CPQ: variants seen among roughly 807,000 people sequenced by gnomAD.
CPQ encodes the protein carboxypeptidase Q, also known as Ser-Met dipeptidase.
Under a neutral mutation model 45.7 loss-of-function variants are expected in CPQ, and 37 were observed. That is an observed-to-expected ratio of 0.81 (90% confidence interval 0.62 to 1.07). The LOEUF (loss-of-function observed/expected upper bound fraction) is 1.07, where lower values mean the gene tolerates loss of function less well. CPQ is among the 50% of genes least tolerant of loss of function. The pLI is 0.00. For missense variants in CPQ, 537 were observed against 572.9 expected (o/e 0.94, Z 0.64); for synonymous variants, 186 against 205.8 (o/e 0.90, Z 0.82).
intron 7 of CPQ, among the ~76,000 whole-genome samples, chr8:97,128,687 AAAAACAAAC>A (rs1258363868): frequency 6.6e-6 from 1 of 152,194 alleles, no homozygotes; most frequent in Non-Finnish European, 1.5e-5. Flanking sequence ...TCTGTCTCAA[AAAAACAAAC>A]AAACAAACAG....
At chr8:97,016,524 G>A (rs780218889) in intron 5 of CPQ, among the ~76,000 whole-genome samples, 7 of 152,130 alleles carry the variant, frequency 4.6e-5, no homozygotes, top group African/African-American at 7.2e-5. Flanking sequence ...GTCAGGTATT[G>A]GGCCAGATTA....
rs1554613585 is a variant in CPQ, at chr8:96,678,774, T to TTA, written c.-35+33372_-35+33373insTA. On this transcript the variant is annotated intron_variant, in intron 1 of 7. Coordinates refer to ENST00000220763, the MANE Select transcript of CPQ (RefSeq NM_016134.4). ...TTATTTGGGCTTTTTTTTTTTTTTTTAGCTGTTGAGTTGTTTGATTTCCTG... is the reference window on the plus strand; with the variant it reads ...TTATTTGGGCTTTTTTTTTTTTTTTTTAAGCTGTTGAGTTGTTTGATTTCCTG... Among the ~76,000 whole-genome samples the TTA allele has an allele frequency of 2.7e-4, 41 of 149,204 alleles. No homozygotes were observed. The East Asian group carries it at 8.0e-3, about 29-fold the overall frequency.
At chr8:96,825,753 A>G (rs1257499396) in intron 2 of CPQ, among the ~76,000 whole-genome samples, 1 of 152,058 alleles carries the variant, frequency 6.6e-6, no homozygotes, top group African/African-American at 2.4e-5. Flanking sequence ...CTGTTTTGTT[A>G]CAGTAGTTTC....
chr8:96,809,932 C>A (rs555701039), intron 2 of CPQ, among the ~76,000 whole-genome samples: 4 of 152,210 alleles, frequency 2.6e-5, no homozygotes, highest in South Asian at 2.1e-4. Flanking sequence ...GAGCATTACA[C>A]TCTAGTGAAC....
intron 2 of CPQ, among the ~76,000 whole-genome samples, chr8:96,795,062 C>A: frequency 6.6e-6 from 1 of 152,190 alleles, no homozygotes; most frequent in East Asian, 1.9e-4. Context: ...TCCAAAGTTG[C>A]TTCCACATTT....
intron 7 of CPQ, among the ~76,000 whole-genome samples, chr8:97,112,157 T>A (rs951109323): frequency 6.7e-5 from 9 of 133,524 alleles, no homozygotes; most frequent in East Asian, 2.3e-4. Flanking sequence ...TTTTATTTTT[T>A]TTTTATTTTT....
chr8:96,686,552 T>C (rs1809230440), intron 1 of CPQ, among the ~76,000 whole-genome samples: 1 of 152,032 alleles, frequency 6.6e-6, no homozygotes, highest in African/African-American at 2.4e-5. Context: ...AAACACCACT[T>C]AGTAATGGTA....
At position 97,067,971 on chromosome 8, in the gene CPQ, T is replaced by C. The variant is rs536294728; in HGVS notation, c.1255+1761T>C. ...AAAAATTGAGAAACCCTGAATAAGC[T>C]GCTGTGTGGTAGCTGTGAGGAAAAG... On this transcript the variant is annotated intron_variant, in intron 7 of 7. Transcript: ENST00000220763. Among the ~76,000 whole-genome samples, 191 of 152,306 alleles carry C rather than the reference T, an allele frequency of 1.3e-3. 1 individual carries two copies. The highest frequency in any genetic ancestry group is 1.6e-3 in the Non-Finnish European group (106 of 68,014).
At chr8:97,070,005 AGAT>A (rs1810712229) in intron 7 of CPQ, among the ~76,000 whole-genome samples, 1 of 152,228 alleles carries the variant, frequency 6.6e-6, no homozygotes, top group South Asian at 2.1e-4. Flanking sequence ...TTACCCATCT[AGAT>A]GATATCTATA....
intron 1 of CPQ, among the ~76,000 whole-genome samples, chr8:96,689,885 G>A (rs771382503): frequency 2.0e-5 from 3 of 151,662 alleles, no homozygotes; most frequent in Non-Finnish European, 2.9e-5. Flanking sequence ...TTTTAACTTG[G>A]TTATTTACAT....
intron 7 of CPQ, among the ~76,000 whole-genome samples, chr8:97,129,172 A>C (rs1811895890): frequency 6.6e-6 from 1 of 152,214 alleles, no homozygotes; most frequent in South Asian, 2.1e-4. Context: ...TCATATGAGA[A>C]GTTCCCTGGA....
At chr8:96,912,450 A>G (rs1812677493) in intron 4 of CPQ, among the ~76,000 whole-genome samples, 1 of 152,214 alleles carries the variant, frequency 6.6e-6, no homozygotes, top group Non-Finnish European at 1.5e-5. Context: ...ATGTCAGAAA[A>G]AAAGTCTCAA....
intron 5 of CPQ, among the ~76,000 whole-genome samples, chr8:96,998,598 A>C (rs1809215871): frequency 6.6e-6 from 1 of 151,968 alleles, no homozygotes; most frequent in Non-Finnish European, 1.5e-5. Flanking sequence ...AATCATGCCA[A>C]GCAAGATGAA....
chr8:96,696,271 T>C (rs2130741479), intron 1 of CPQ, among the ~76,000 whole-genome samples: 1 of 148,824 alleles, frequency 6.7e-6, no homozygotes, highest in East Asian at 2.0e-4. Context: ...AAGGGGAACA[T>C]CACACTCTGG....
chr8:97,042,646 C>T (rs1810150826), intron 6 of CPQ, among the ~76,000 whole-genome samples: 1 of 151,628 alleles, frequency 6.6e-6, no homozygotes, highest in Admixed American at 6.6e-5. Flanking sequence ...TCCCTCTACA[C>T]ACTGCTTTGG....
intron 3 of CPQ, among the ~76,000 whole-genome samples, chr8:96,873,695 T>C (rs1812110061): frequency 6.6e-6 from 1 of 151,782 alleles, no homozygotes; most frequent in Non-Finnish European, 1.5e-5. Flanking sequence ...CCAGACCTTT[T>C]TTTAGGAAAC....
At chr8:96,739,083 T>C (rs1419871656) in intron 1 of CPQ, among the ~76,000 whole-genome samples, 2 of 150,608 alleles carry the variant, frequency 1.3e-5, no homozygotes. Flanking sequence ...ACCAACAGTG[T>C]AAAAGTGTTC....
intron 2 of CPQ, among the ~76,000 whole-genome samples, chr8:96,830,759 G>A (rs528616434): frequency 6.6e-6 from 1 of 152,252 alleles, no homozygotes; most frequent in South Asian, 2.1e-4. Context: ...CCTGATCGAT[G>A]AGCAAGATTC....
In CPQ at chr8:96,760,411, A is replaced by G. The variant is rs138589126; in HGVS notation, c.-34-24453A>G. Among the ~76,000 whole-genome samples the G allele has an allele frequency of 2.1e-3, 324 of 152,236 alleles. 3 individuals are homozygous for G. The highest frequency in any genetic ancestry group is 7.4e-3 in the African/African-American group (306 of 41,542). The stretch of plus-strand genomic sequence containing the variant: ...ACGTATGCAAGATTGTAAGTGGAAG[A>G]GTCAGGATTTTTAGTCAGGTCTGTC... On this transcript the variant is annotated intron_variant, in intron 1 of 7. Coordinates refer to ENST00000220763, the MANE Select transcript of CPQ (RefSeq NM_016134.4).
Sources: gnomAD v4.1 joint callset for allele counts (sites outside exome capture counted in the v4.1 genomes callset) on GRCh38, gnomAD v4.1.1 for gene constraint, MANE v1.5 for transcripts, NCBI Gene and HGNC (gene_info 2026-07-23, HGNC 2026-07-21) for gene names.